Variants in MRPL35 observed in about 807,000 individuals in gnomAD.
The protein encoded by MRPL35 is mitochondrial ribosomal protein L35.
In MRPL35, 18 loss-of-function variants were observed where a neutral mutation model predicts 21.6. The ratio of observed to expected loss-of-function variants is 0.83; its 90% CI spans 0.58 to 1.24. The LOEUF is 1.24. MRPL35 is among the 50% of genes most tolerant of loss of function. MRPL35 has a pLI of 0.00. For synonymous variants in MRPL35, 87 were observed against 86.9 expected, an observed-to-expected ratio of 1.00 and a Z score of -0.01; for missense variants, 223 against 223.2, an observed-to-expected ratio of 1.00 and a Z score of 0.01.
chr2:86,203,334 C>T (rs1673728067), intron 1 of MRPL35, among the ~76,000 whole-genome samples: 1 of 152,128 alleles, frequency 6.6e-6, no homozygotes, highest in African/African-American at 2.4e-5. Flanking sequence ...ATCTGCCTGC[C>T]TCGGCCTCCC....
chr2:86,207,275 CTG>C lies in MRPL35; in HGVS notation c.328_329del (p.Val110HisfsTer3), dbSNP rs1187834500. 1 of 1,613,934 alleles carries C rather than the reference CTG, an allele frequency of 6.2e-7. No homozygotes were observed. The highest frequency in any genetic ancestry group is 8.5e-7 in the Non-Finnish European group (1 of 1,179,952). On this transcript the variant is annotated frameshift_variant, in exon 3 of 4. Transcript: ENST00000337109. LOFTEE classifies it high-confidence loss of function. The stretch of plus-strand genomic sequence containing the variant: ...AAAGGCAAGAGAAAGACCGTGAAAG[CTG>C]TCATCGATAGGTTTCTTCGACTTCA...
At position 86,206,295 on chromosome 2, in the gene MRPL35, G is replaced by A. The variant is rs377314157; in HGVS notation, c.233G>A (p.Arg78Lys). Reference sequence around the variant, plus strand: ...GGGCATACCTCAGTGATCCTTAATAGGTAGAGTATATTTCTTTGTGGGGTT... The same window carrying A: ...GGGCATACCTCAGTGATCCTTAATAAGTAGAGTATATTTCTTTGTGGGGTT... ...TCGHTSVILN[R>K]MAPVLPSVLK... Residue 78 changes from arginine to lysine, a missense_variant and splice_region_variant, in exon 2 of 4, where the codon AGA (arginine) becomes AAA (lysine). Physicochemically the swap from Arg to Lys is conservative, Grantham distance 26. Coordinates refer to ENST00000337109, the MANE Select transcript of MRPL35 (RefSeq NM_016622.4). The A allele has an allele frequency of 2.5e-6, 4 of 1,596,288 alleles. No individual in the cohort carries two copies. In the African/African-American group the frequency reaches 5.4e-5, roughly 22 times the overall value.
In MRPL35 at chr2:86,210,780, A is replaced by G; in HGVS notation, c.*112A>G. The G allele has an allele frequency of 7.2e-7, 1 of 1,393,310 alleles. No individual in the cohort carries two copies. The highest frequency in any genetic ancestry group is 9.4e-7 in the Non-Finnish European group (1 of 1,067,398). 86.3% of individuals were successfully genotyped at this position (1,393,310 alleles called of 1,614,324 possible). ...GTAAATTGTACCAATGAATACGTAA[A>G]CATACAGTGACAACATTAAACTTAG... On this transcript the variant is annotated 3_prime_UTR_variant, in exon 4 of 4. Coordinates refer to ENST00000337109, the MANE Select transcript of MRPL35 (RefSeq NM_016622.4).
chr2:86,213,623 C>T lies in MRPL35; in HGVS notation c.*2955C>T, dbSNP rs1673959357. On this transcript the variant is annotated 3_prime_UTR_variant, in exon 4 of 4. Coordinates refer to ENST00000337109, the MANE Select transcript of MRPL35 (RefSeq NM_016622.4). ...CCCTTCACCACCCTGTTGTCACCTG[C>T]ACAGGCACTCCCCCATTTGCAGATG... 1 of 1,550,314 alleles carries T rather than the reference C, an allele frequency of 6.5e-7. No individual in the cohort carries two copies. Among genetic ancestry groups the T allele is most frequent in the African/African-American group, 1.4e-5 (1 of 73,022 alleles).
intron 2 of MRPL35, 145 bp downstream of exon 2, chr2:86,206,440 C>A: frequency 3.9e-6 from 3 of 761,852 alleles, no homozygotes; most frequent in Non-Finnish European, 6.2e-6. Flanking sequence ...TCAAGCAATT[C>A]TCCTGCCTCA....
intron 1 of MRPL35, among the ~76,000 whole-genome samples, chr2:86,205,270 A>G (rs187498351): frequency 6.6e-6 from 1 of 152,356 alleles, no homozygotes; most frequent in Admixed American, 6.5e-5. Context: ...TATATGTATT[A>G]TATACTGTAT....
In MRPL35 at chr2:86,213,534, C is replaced by A; in HGVS notation, c.*2866C>A. ...GAGCTTCCAAGTCTTTGTGGCCACC[C>A]AATGAAGTTTGAGTCTGCCTGTTCA... On this transcript the variant is annotated 3_prime_UTR_variant, in exon 4 of 4. Transcript: ENST00000337109. 1 of 1,439,180 alleles carries A rather than the reference C, an allele frequency of 6.9e-7. No individual in the cohort carries two copies. Among genetic ancestry groups the A allele is most frequent in the Non-Finnish European group, 9.2e-7 (1 of 1,083,342 alleles). 89.2% of individuals were successfully genotyped at this position (1,439,180 alleles called of 1,614,324 possible).
intron 1 of MRPL35, among the ~76,000 whole-genome samples, chr2:86,204,632 T>G (rs1344542952): frequency 6.6e-6 from 1 of 152,122 alleles, no homozygotes; most frequent in East Asian, 1.9e-4. Context: ...GAAGGACTGA[T>G]AAGAGGACTG....
chr2:86,208,272 T>C (rs376251505), intron 3 of MRPL35, among the ~76,000 whole-genome samples: 67 of 151,952 alleles, frequency 4.4e-4, no homozygotes, highest in African/African-American at 1.5e-3. Flanking sequence ...TTGAGACCAC[T>C]GGAAACATTT....
intron 2 of MRPL35, 76 bp downstream of exon 2, chr2:86,206,371 TGCCCAG>T: frequency 7.2e-7 from 1 of 1,390,938 alleles, no homozygotes; most frequent in African/African-American, 1.4e-5. Flanking sequence ...CTCACTCTGT[TGCCCAG>T]GCCAGAGTGC....
At position 86,213,436 on chromosome 2, in the gene MRPL35, T is replaced by C. The variant is rs989192729; in HGVS notation, c.*2768T>C. ...CTGCTGCTTTATTTTACAGTGATTT[T>C]GTCAAACATAGAATACAGGACTAAA... On this transcript the variant is annotated 3_prime_UTR_variant, in exon 4 of 4. Transcript: ENST00000337109. The C allele has an allele frequency of 2.3e-4, 295 of 1,289,360 alleles. 1 individual carries two copies. Among genetic ancestry groups the C allele is most frequent in the Middle Eastern group, 4.1e-4 (2 of 4,840 alleles). 79.9% of individuals were successfully genotyped at this position (1,289,360 alleles called of 1,614,324 possible).
rs551718018 is a variant in MRPL35 at position 86,210,063 on chromosome 2, CTAATCAATGGTTTCTTTTT to C, written c.379-415_379-397del. Among the ~76,000 whole-genome samples, 574 of 152,224 alleles carry C rather than the reference CTAATCAATGGTTTCTTTTT, an allele frequency of 3.8e-3. 8 individuals carry two copies. Among genetic ancestry groups the C allele is most frequent in the South Asian group, 0.035 (169 of 4,828 alleles). ...CCTCAGACCTCTGTCTGCTACTTCT[CTAATCAATGGTTTCTTTTT>C]TTAAAGATGTAAAATAGAATAATAG... On this transcript the variant is annotated intron_variant, in intron 3 of 3. Coordinates refer to ENST00000337109, the MANE Select transcript of MRPL35 (RefSeq NM_016622.4).
In MRPL35 at chr2:86,211,465, A is replaced by G. The variant is rs1673901119; in HGVS notation, c.*797A>G. On this transcript the variant is annotated 3_prime_UTR_variant, in exon 4 of 4. Coordinates refer to ENST00000337109, the MANE Select transcript of MRPL35 (RefSeq NM_016622.4). ...CATGCAGCAAAAAAACAGTTATGTGAGCAGTTTCACTTGGAGGTTCACATG... is the reference window on the plus strand; with the variant it reads ...CATGCAGCAAAAAAACAGTTATGTGGGCAGTTTCACTTGGAGGTTCACATG... 1 of 985,322 alleles carries G rather than the reference A, an allele frequency of 1.0e-6. No individual in the cohort carries two copies. Among genetic ancestry groups the G allele is most frequent in the African/African-American group, 1.7e-5 (1 of 57,220 alleles). The allele number at this position is 985,322 out of a possible 1,614,324, so 61.0% of individuals were successfully genotyped here. A position where few individuals can be genotyped will look rare whatever the true frequency, so the allele number is the denominator to read the frequency against.
intron 1 of MRPL35, among the ~76,000 whole-genome samples, chr2:86,202,961 C>T (rs1673718401): frequency 6.6e-6 from 1 of 152,006 alleles, no homozygotes; most frequent in South Asian, 2.1e-4. Context: ...GTTGGGGTTA[C>T]AGGGGTGAGC....
At chr2:86,207,464 C>T in intron 3 of MRPL35, 137 bp downstream of exon 3, 1 of 895,606 alleles carries the variant, frequency 1.1e-6, no homozygotes, top group Non-Finnish European at 1.6e-6. Flanking sequence ...CATGGTGAAA[C>T]TCCATCTCTA....
chr2:86,212,689 C>A lies in MRPL35; in HGVS notation c.*2021C>A. ...GACTGGCAACCAGAGCCTCAGCATC[C>A]AAAGATGGACTGAAGTGGGATGGCT... On this transcript the variant is annotated 3_prime_UTR_variant, in exon 4 of 4. Coordinates refer to ENST00000337109, the MANE Select transcript of MRPL35 (RefSeq NM_016622.4). The A allele has an allele frequency of 8.2e-7, 1 of 1,224,990 alleles. No individual in the cohort carries two copies. The highest frequency in any genetic ancestry group is 1.0e-6 in the Non-Finnish European group (1 of 982,138). 75.9% of individuals were successfully genotyped at this position (1,224,990 alleles called of 1,614,324 possible).
At chr2:86,208,729 T>C (rs1240420280) in intron 3 of MRPL35, among the ~76,000 whole-genome samples, 1 of 152,178 alleles carries the variant, frequency 6.6e-6, no homozygotes, top group Non-Finnish European at 1.5e-5. Flanking sequence ...GGCCCTCATG[T>C]TACTGTAAAG....
At chr2:86,199,703 T>TC (rs1673648343) in intron 1 of MRPL35, among the ~76,000 whole-genome samples, 170 bp downstream of exon 1, 1 of 152,096 alleles carries the variant, frequency 6.6e-6, no homozygotes, top group African/African-American at 2.4e-5. Context: ...CCGTACCAAG[T>TC]CCCCCGACTC....
Position 86,211,061 on chromosome 2 carries a change from C to A in MRPL35, c.*393C>A. 1.0e-6 allele frequency: 1 copy of A among 988,616 alleles called. No individual in the cohort carries two copies. Among genetic ancestry groups the A allele is most frequent in the South Asian group, 4.7e-5 (1 of 21,494 alleles). 61.2% of individuals were successfully genotyped at this position (988,616 alleles called of 1,614,324 possible). ...ACCACCTCACCAACCCCATCTCCCA[C>A]TCAGAAATCACCTCCCAGCCTCAGG... On this transcript the variant is annotated 3_prime_UTR_variant, in exon 4 of 4. Transcript: ENST00000337109.
Sources: allele counts gnomAD v4.1 joint callset (sites outside exome capture counted in the v4.1 genomes callset), GRCh38; gene constraint gnomAD v4.1.1; transcripts MANE v1.5; gene names NCBI Gene and HGNC (gene_info 2026-07-23, HGNC 2026-07-21).